The following PHLDB2 variants were observed in gnomAD, a reference collection of about 807,000 sequenced individuals.
The protein encoded by PHLDB2 is pleckstrin homology like domain family B member 2.
A neutral mutation model predicts 123.6 loss-of-function variants in PHLDB2; 71 were observed. The observed-to-expected ratio is 0.57, with a 90% CI of 0.47 to 0.70. The LOEUF (loss-of-function observed/expected upper bound fraction) is 0.70. Among genes scored for constraint, PHLDB2 ranks in the 30% least tolerant of loss-of-function variants. The pLI is 0.00. For synonymous variants in PHLDB2, 547 were observed against 541.6 expected (o/e 1.01, Z -0.14); for missense variants, 1,446 against 1,519.5 (o/e 0.95, Z 0.80).
rs1268825716 is a variant in PHLDB2 at position 111,974,527 on chromosome 3, T to A, written c.3726T>A (p.Val1242=). 1.2e-6 allele frequency: 2 copies of A among 1,613,390 alleles called. No individual in the cohort carries two copies. Among genetic ancestry groups the A allele is most frequent in the Admixed American group, 1.7e-5 (1 of 59,932 alleles). ...EAMRIWMDVI[V]TGAEGYTHFL... ...TGCGGATCTGGATGGATGTTATAGT[T>A]ACGGGGGCAGAAGGTTACACTCACT... The change falls in exon 18 of 18, where the codon GTT becomes GTA. Residue 1242 remains valine, a synonymous_variant. Coordinates refer to ENST00000431670, the MANE Select transcript of PHLDB2 (RefSeq NM_001134438.2).
At chr3:111,810,120 C>T (rs1021837043) in intron 1 of PHLDB2, among the ~76,000 whole-genome samples, 10 of 152,094 alleles carry the variant, frequency 6.6e-5, no homozygotes, top group Non-Finnish European at 1.2e-4. Flanking sequence ...TCTAACACTG[C>T]CATGGAGCTA....
chr3:111,786,597 GA>G (rs1021289380), intron 1 of PHLDB2, among the ~76,000 whole-genome samples: 1 of 152,120 alleles, frequency 6.6e-6, no homozygotes, highest in South Asian at 2.1e-4. Context: ...TCTGAGTTCT[GA>G]AAAAGGCTTA....
At chr3:111,852,192 G>A (rs1282979) in intron 2 of PHLDB2, among the ~76,000 whole-genome samples, 2,745 of 151,456 alleles carry the variant, frequency 0.018, 86 homozygotes, top group African/African-American at 0.063. Flanking sequence ...ATTCTCCCGT[G>A]TGCTGAAGTC....
intron 8 of PHLDB2, among the ~76,000 whole-genome samples, chr3:111,943,961 A>G (rs2070100218): frequency 6.6e-6 from 1 of 152,228 alleles, no homozygotes; most frequent in Non-Finnish European, 1.5e-5. Flanking sequence ...TAAACAAAAC[A>G]AAACAAAACT....
intron 1 of PHLDB2, among the ~76,000 whole-genome samples, chr3:111,763,460 T>C (rs1247676026): frequency 1.3e-5 from 2 of 152,302 alleles, no homozygotes; most frequent in African/African-American, 4.8e-5. Flanking sequence ...CTGTACATTG[T>C]GAGATTTTCC....
At chr3:111,827,275 C>T (rs532915985) in intron 1 of PHLDB2, among the ~76,000 whole-genome samples, 1 of 152,292 alleles carries the variant, frequency 6.6e-6, no homozygotes, top group East Asian at 1.9e-4. Context: ...CTTAGTATGG[C>T]TTTTAAGGAG....
intron 1 of PHLDB2, among the ~76,000 whole-genome samples, chr3:111,841,026 AT>A (rs971083029): frequency 1.3e-5 from 2 of 152,044 alleles, no homozygotes; most frequent in African/African-American, 2.4e-5. Context: ...CTAGGTTTGT[AT>A]TTTTTCTCTT....
intron 1 of PHLDB2, among the ~76,000 whole-genome samples, chr3:111,863,083 T>A (rs2064913041): frequency 6.6e-6 from 1 of 152,100 alleles, no homozygotes; most frequent in African/African-American, 2.4e-5. Flanking sequence ...AATAAATGCT[T>A]CGATGGGGGA....
chr3:111,805,914 G>A (rs1576668502), intron 1 of PHLDB2, among the ~76,000 whole-genome samples: 1 of 138,834 alleles, frequency 7.2e-6, no homozygotes, highest in Admixed American at 7.7e-5. Context: ...AGTCACAGAA[G>A]ACTACATTTT....
chr3:111,780,402 A>AAG (rs2060414089), intron 1 of PHLDB2, among the ~76,000 whole-genome samples: 1 of 145,814 alleles, frequency 6.9e-6, no homozygotes, highest in African/African-American at 2.6e-5. Flanking sequence ...AAGAAGAAGA[A>AAG]GAAGAAGAAA....
chr3:111,784,034 C>T (rs1195506429), intron 1 of PHLDB2, among the ~76,000 whole-genome samples: 1 of 152,114 alleles, frequency 6.6e-6, no homozygotes, highest in East Asian at 1.9e-4. Flanking sequence ...AATGATCACC[C>T]TGCCTGGTGT....
At chr3:111,812,606 C>T (rs539007105) in intron 1 of PHLDB2, among the ~76,000 whole-genome samples, 9 of 152,218 alleles carry the variant, frequency 5.9e-5, no homozygotes, top group African/African-American at 2.2e-4. Flanking sequence ...GATGAGTTTG[C>T]TTAGTATGAT....
At chr3:111,840,321 T>C (rs1459120406) in intron 1 of PHLDB2, among the ~76,000 whole-genome samples, 1 of 152,132 alleles carries the variant, frequency 6.6e-6, no homozygotes, top group African/African-American at 2.4e-5. Context: ...GAGGATAATA[T>C]ACAATTAATC....
intron 2 of PHLDB2, among the ~76,000 whole-genome samples, chr3:111,853,429 T>C (rs554209354): frequency 6.6e-6 from 1 of 152,346 alleles, no homozygotes; most frequent in South Asian, 2.1e-4. Context: ...ACTGAACTTA[T>C]ATAGGACAGT....
rs917723634 is a variant in PHLDB2, at chr3:111,975,628, A to G, written c.*1065A>G. On this transcript the variant is annotated 3_prime_UTR_variant, in exon 18 of 18. Coordinates refer to ENST00000431670, the MANE Select transcript of PHLDB2 (RefSeq NM_001134438.2). ...TGAAGTTCAACTTAATATTCTCTAT[A>G]ATGTATTATTTTATTTTATTTTTTA... The G allele has an allele frequency of 8.5e-5, 13 of 152,542 alleles. No individual in the cohort carries two copies. Among genetic ancestry groups the G allele is most frequent in the African/African-American group, 2.7e-4 (11 of 41,438 alleles). The allele number at this position is 152,542 out of a possible 1,614,324, so 9.4% of individuals were successfully genotyped here. A position where few individuals can be genotyped will look rare whatever the true frequency, so the allele number is the denominator to read the frequency against.
intron 1 of PHLDB2, among the ~76,000 whole-genome samples, chr3:111,822,022 GC>G (rs752296479): frequency 9.5e-4 from 145 of 152,140 alleles, no homozygotes; most frequent in Non-Finnish European, 4.1e-4. Flanking sequence ...GCTTTACTAG[GC>G]ATGACCACAT....
chr3:111,860,856 G>T (rs1157960583), intron 1 of PHLDB2, among the ~76,000 whole-genome samples: 1 of 152,166 alleles, frequency 6.6e-6, no homozygotes, highest in Non-Finnish European at 1.5e-5. Context: ...ACTAGACGAG[G>T]CATAAAAATG....
At chr3:111,790,053 C>T (rs889673766) in intron 1 of PHLDB2, among the ~76,000 whole-genome samples, 2 of 152,254 alleles carry the variant, frequency 1.3e-5, no homozygotes, top group East Asian at 1.9e-4. Context: ...GGGGGCAGGG[C>T]GTTCAAATTG....
At chr3:111,830,802 C>T (rs1350068597) in intron 1 of PHLDB2, among the ~76,000 whole-genome samples, 27 of 78,498 alleles carry the variant, frequency 3.4e-4, no homozygotes, top group African/African-American at 1.4e-3. Flanking sequence ...GAGCGAGACT[C>T]CGTCTCAAAA....
Sources: gnomAD v4.1 joint callset for allele counts (sites outside exome capture counted in the v4.1 genomes callset) on GRCh38, gnomAD v4.1.1 for gene constraint, MANE v1.5 for transcripts, NCBI Gene and HGNC (gene_info 2026-07-23, HGNC 2026-07-21) for gene names.